Variants in TMEFF2 observed in about 807,000 individuals in gnomAD.
TMEFF2 encodes the protein tomoregulin-2.
Under a neutral mutation model 53.8 loss-of-function variants are expected in TMEFF2, and 28 were observed. The ratio of observed to expected loss-of-function variants is 0.52; its 90% CI spans 0.39 to 0.71. TMEFF2 has a LOEUF of 0.71. TMEFF2 is among the 30% of genes least tolerant of loss of function. The pLI, the probability that TMEFF2 is intolerant of heterozygous loss-of-function variation, is 0.00. For synonymous variants in TMEFF2, 162 were observed against 166.3 expected, an observed-to-expected ratio of 0.97 and a Z score of 0.20; for missense variants, 353 against 455.2, an observed-to-expected ratio of 0.78 and a Z score of 2.04.
At chr2:192,123,188 T>C (rs536791186) in intron 4 of TMEFF2, among the ~76,000 whole-genome samples, 50 of 152,262 alleles carry the variant, frequency 3.3e-4, no homozygotes, top group African/African-American at 1.2e-3. Flanking sequence ...TCAGCTGAAG[T>C]AAAAGGATCT....
intron 7 of TMEFF2, among the ~76,000 whole-genome samples, chr2:191,992,504 G>A (rs1204724602): frequency 1.3e-5 from 2 of 151,970 alleles, no homozygotes; most frequent in East Asian, 3.9e-4. Context: ...TACTGTGTCC[G>A]GTTCCGGCTC....
chr2:192,041,945 C>T lies in TMEFF2; in HGVS notation c.536+15734G>A, dbSNP rs181527039. On this transcript the variant is annotated intron_variant, in intron 5 of 9. Transcript: ENST00000272771. ...CACTGATCGGCCAGGTGCGGTGGCT[C>T]ATGCCTGTAATCCCATGGGCTGGGG... 2.9e-3 allele frequency among the ~76,000 whole-genome samples: 446 copies of T among 152,226 alleles called. 2 individuals carry two copies. The highest frequency in any genetic ancestry group is 0.01 in the African/African-American group (427 of 41,520).
intron 4 of TMEFF2, among the ~76,000 whole-genome samples, chr2:192,110,089 G>T (rs545566672): frequency 2.2e-4 from 33 of 152,178 alleles, no homozygotes; most frequent in Admixed American, 6.6e-4. Context: ...GGATGATGAA[G>T]ATGAGCCAGC....
At chr2:192,088,451 G>A (rs894645914) in intron 4 of TMEFF2, among the ~76,000 whole-genome samples, 1 of 152,108 alleles carries the variant, frequency 6.6e-6, no homozygotes, top group Non-Finnish European at 1.5e-5. Context: ...AAAGAGGGCC[G>A]GGTGTCACCT....
At chr2:192,018,091 G>T (rs1031561292) in intron 5 of TMEFF2, among the ~76,000 whole-genome samples, 1 of 152,144 alleles carries the variant, frequency 6.6e-6, no homozygotes, top group Admixed American at 6.5e-5. Flanking sequence ...GATTGGAGGG[G>T]AGGGGGAGAA....
chr2:192,109,631 A>T (rs2105953410), intron 4 of TMEFF2, among the ~76,000 whole-genome samples: 1 of 152,218 alleles, frequency 6.6e-6, no homozygotes, highest in Admixed American at 6.6e-5. Context: ...CTGATGACGC[A>T]CTACATATGG....
intron 4 of TMEFF2, among the ~76,000 whole-genome samples, chr2:192,067,270 G>A (rs1001524353): frequency 6.6e-6 from 1 of 151,802 alleles, no homozygotes; most frequent in Non-Finnish European, 1.5e-5. Context: ...GAGCAAAGTA[G>A]GGATTGGGTT....
At position 192,191,931 on chromosome 2, in the gene TMEFF2, A is replaced by G; in HGVS notation, c.231T>C (p.Asp77=). The part of the protein sequence containing the change: ...FLCDTNTCKF[D]GECLRIGDTV... ...TGTCTCCAATTCTTAAACATTCCCC[A>G]TCAAATTTACAGGTGTTGGTGTCAC... The change falls in exon 2 of 10, where the codon GAT becomes GAC. Residue 77 remains aspartate (D), a synonymous_variant. Transcript: ENST00000272771. 2 of 1,613,630 alleles carry G rather than the reference A, an allele frequency of 1.2e-6. No individual in the cohort carries two copies. The highest frequency in any genetic ancestry group is 1.7e-6 in the Non-Finnish European group (2 of 1,179,654).
At chr2:191,973,796 G>C (rs1008637713) in intron 7 of TMEFF2, among the ~76,000 whole-genome samples, 1 of 152,118 alleles carries the variant, frequency 6.6e-6, no homozygotes, top group Non-Finnish European at 1.5e-5. Flanking sequence ...TTACCTCTAT[G>C]CTGTTCTCAT....
At chr2:192,030,461 G>A (rs1687101536) in intron 5 of TMEFF2, 1 of 151,948 alleles carries the variant, frequency 6.6e-6, no homozygotes, top group Non-Finnish European at 1.5e-5. Context: ...GCTTCTGCTT[G>A]CTGTAGCCTT....
chr2:191,960,636 A>C (rs1485653574), intron 7 of TMEFF2, among the ~76,000 whole-genome samples: 1 of 152,220 alleles, frequency 6.6e-6, no homozygotes, highest in African/African-American at 2.4e-5. Flanking sequence ...TCAGGACTTT[A>C]TTGCAAATGT....
At chr2:192,165,672 T>C (rs1366167865) in intron 4 of TMEFF2, among the ~76,000 whole-genome samples, 1 of 152,060 alleles carries the variant, frequency 6.6e-6, no homozygotes, top group Non-Finnish European at 1.5e-5. Context: ...TCCACTCCCT[T>C]TCCTCTCCAA....
intron 7 of TMEFF2, 122 bp from the exon 8 acceptor site, chr2:191,956,500 T>A (rs1692101552): frequency 4.6e-6 from 5 of 1,097,834 alleles, no homozygotes; most frequent in Non-Finnish European, 6.3e-6. Flanking sequence ...ACTAAAGGGC[T>A]ATGCTTCAGA....
chr2:191,987,249 G>A (rs1490101686), intron 7 of TMEFF2, among the ~76,000 whole-genome samples: 1 of 152,086 alleles, frequency 6.6e-6, no homozygotes, highest in Non-Finnish European at 1.5e-5. Context: ...AGGTGGGAGG[G>A]AAATGAGGAG....
chr2:192,032,046 A>G (rs1177602911), intron 5 of TMEFF2: 1 of 152,240 alleles, frequency 6.6e-6, no homozygotes, highest in Non-Finnish European at 1.5e-5. Context: ...GGAAACACAA[A>G]GCACTTTTAG....
chr2:192,194,124 G>T lies in TMEFF2; in HGVS notation c.172+229C>A, dbSNP rs1397598456. ...GCAGCTCCAATGTAAGCGCAAGCAT[G>T]CAAAGGTTTCCTGCTACACCTGCAC... On this transcript the variant is annotated intron_variant, in intron 1 of 9. Coordinates refer to ENST00000272771, the MANE Select transcript of TMEFF2 (RefSeq NM_016192.4). This position sits in a 1 kb window ranked among gnomAD's most constrained non-coding sequence, Gnocchi z 4.2. Among the ~76,000 whole-genome samples the T allele has an allele frequency of 6.6e-6, 1 of 152,170 alleles. No homozygotes were observed. Among genetic ancestry groups the T allele is most frequent in the Non-Finnish European group, 1.5e-5 (1 of 68,036 alleles).
intron 5 of TMEFF2, among the ~76,000 whole-genome samples, chr2:192,011,012 A>C (rs1686613789): frequency 1.3e-5 from 2 of 152,190 alleles, no homozygotes; most frequent in Non-Finnish European, 2.9e-5. Flanking sequence ...ATTCACTCAA[A>C]AGCATTTTTT....
intron 5 of TMEFF2, among the ~76,000 whole-genome samples, chr2:192,024,869 TA>T (rs1185236066): frequency 6.6e-6 from 1 of 152,244 alleles, no homozygotes; most frequent in African/African-American, 2.4e-5. Context: ...GCCACCTCTT[TA>T]TGCAGCAGAG....
At chr2:192,162,880 GTGAATTA>G (rs1690669115) in intron 4 of TMEFF2, among the ~76,000 whole-genome samples, 1 of 152,184 alleles carries the variant, frequency 6.6e-6, no homozygotes, top group African/African-American at 2.4e-5. Flanking sequence ...GACAGGCAGA[GTGAATTA>G]AATGGCTGTC....
Sources: gnomAD v4.1 joint callset for allele counts (sites outside exome capture counted in the v4.1 genomes callset) on GRCh38, gnomAD v4.1.1 for gene constraint, Gnocchi (gnomAD v3.1) non-coding constraint, MANE v1.5 for transcripts, NCBI Gene and HGNC (gene_info 2026-07-23, HGNC 2026-07-21) for gene names.